Variants in P3H2 observed in about 807,000 individuals in gnomAD.
P3H2 encodes the protein prolyl 3-hydroxylase 2.
A neutral mutation model predicts 87.0 loss-of-function variants in P3H2; 80 were observed. The ratio of observed to expected loss-of-function variants is 0.92; its 90% confidence interval spans 0.77 to 1.11. The LOEUF is 1.11. P3H2 is among the 50% of genes least tolerant of loss of function. The probability of loss-of-function intolerance (pLI) is 0.00; values close to 1 mark genes in which losing one functional copy is unlikely to be tolerated. For synonymous variants in P3H2, 367 were observed against 359.3 expected, an observed-to-expected ratio of 1.02 and a Z score of -0.24; for missense variants, 1,001 against 923.9, an observed-to-expected ratio of 1.08 and a Z score of -1.08.
At chr3:190,043,910 T>G (rs562482032) in intron 1 of P3H2, among the ~76,000 whole-genome samples, 9 of 152,294 alleles carry the variant, frequency 5.9e-5, no homozygotes, top group Admixed American at 2.0e-4. Flanking sequence ...CATGCTTTTA[T>G]TACTGAAATA....
chr3:190,102,249 T>C (rs1711654873), intron 1 of P3H2, among the ~76,000 whole-genome samples: 1 of 152,184 alleles, frequency 6.6e-6, no homozygotes, highest in Non-Finnish European at 1.5e-5. Context: ...TCTTATTATT[T>C]AAGAAATATA....
intron 1 of P3H2, among the ~76,000 whole-genome samples, chr3:190,039,495 G>A (rs1725534331): frequency 6.6e-6 from 1 of 152,050 alleles, no homozygotes; most frequent in Admixed American, 6.5e-5. Context: ...AAAATTACTA[G>A]CTAAGAGTCT....
At chr3:190,051,391 T>C (rs188956445) in intron 1 of P3H2, among the ~76,000 whole-genome samples, 5 of 152,288 alleles carry the variant, frequency 3.3e-5, no homozygotes, top group African/African-American at 1.2e-4. Flanking sequence ...GGTCAAACAA[T>C]GCAATTTAAT....
intron 1 of P3H2, among the ~76,000 whole-genome samples, chr3:190,047,528 A>G (rs1725843844): frequency 6.6e-6 from 1 of 152,236 alleles, no homozygotes; most frequent in South Asian, 2.1e-4. Context: ...TAAACATAAG[A>G]GTTCCTGCAA....
intron 1 of P3H2, among the ~76,000 whole-genome samples, chr3:190,050,646 T>C (rs1274011325): frequency 5.9e-5 from 9 of 152,160 alleles, no homozygotes. Flanking sequence ...TTTGTGTATA[T>C]ATGAGTTTTT....
At chr3:189,992,530 G>A (rs1303803827) in intron 3 of P3H2, among the ~76,000 whole-genome samples, 1 of 152,158 alleles carries the variant, frequency 6.6e-6, no homozygotes, top group Non-Finnish European at 1.5e-5. Context: ...AAAAATGTGT[G>A]CTCAAAATAT....
intron 1 of P3H2, among the ~76,000 whole-genome samples, chr3:190,104,651 C>T (rs148550890): frequency 1.3e-5 from 2 of 152,212 alleles, no homozygotes; most frequent in African/African-American, 2.4e-5. Context: ...TAGTATATCA[C>T]GATATATTCG....
intron 1 of P3H2, among the ~76,000 whole-genome samples, chr3:190,076,719 C>T (rs991948744): frequency 2.6e-5 from 4 of 152,228 alleles, no homozygotes; most frequent in African/African-American, 9.6e-5. Context: ...TCCAAGCCCA[C>T]ATGGCTGCTT....
At chr3:190,106,819 T>G (rs539402682) in intron 1 of P3H2, among the ~76,000 whole-genome samples, 2 of 152,202 alleles carry the variant, frequency 1.3e-5, no homozygotes, top group African/African-American at 4.8e-5. Context: ...ATTTAATCTT[T>G]CAGGCTTCAG....
chr3:189,986,868 T>C lies in P3H2; in HGVS notation c.1108A>G (p.Met370Val). The change falls in exon 6 of 15, where the codon ATG becomes GTG. Residue 370 changes from methionine to valine, a missense_variant. Met to Val is a conservative substitution (Grantham distance 21). Transcript: ENST00000319332. ...TCCAGCTTATGACGTTTCACAAACA[T>C]TGTTAAATCCTAGAGAAAAAGAAGT... The part of the protein sequence containing the change: ...ASIEAREDLT[M>V]FVKRHKLESE... 1 of 1,608,732 alleles carries C rather than the reference T, an allele frequency of 6.2e-7. No homozygotes were observed. The highest frequency in any genetic ancestry group is 8.5e-7 in the Non-Finnish European group (1 of 1,175,204).
At chr3:190,015,415 A>C (rs710576) in intron 1 of P3H2, among the ~76,000 whole-genome samples, 38,609 of 152,030 alleles carry the variant, frequency 0.25, 5,134 homozygotes, top group East Asian at 0.36. Flanking sequence ...GCTTCAGTGT[A>C]TAACAAGCCT....
intron 14 of P3H2, among the ~76,000 whole-genome samples, chr3:189,961,242 A>C (rs1195740998): frequency 6.6e-6 from 1 of 152,174 alleles, no homozygotes; most frequent in Non-Finnish European, 1.5e-5. Flanking sequence ...TGCCCGGCCA[A>C]GGAAAACAAT....
intron 1 of P3H2, among the ~76,000 whole-genome samples, chr3:190,064,933 G>A (rs58556508): frequency 0.15 from 23,287 of 152,010 alleles, 2,543 homozygotes; most frequent in African/African-American, 0.31. Context: ...AGACTGCAGG[G>A]GCTGTTCAGC....
intron 1 of P3H2, among the ~76,000 whole-genome samples, chr3:190,072,105 T>C (rs1285764068): frequency 6.6e-6 from 1 of 151,682 alleles, no homozygotes; most frequent in Non-Finnish European, 1.5e-5. Context: ...TCTGCATAGC[T>C]GGGATTACAG....
At chr3:189,972,210 G>T (rs1187212347) in intron 11 of P3H2, among the ~76,000 whole-genome samples, 1 of 152,156 alleles carries the variant, frequency 6.6e-6, no homozygotes, top group African/African-American at 2.4e-5. Flanking sequence ...GAAACCTTGA[G>T]CATGTCACAC....
In P3H2 at chr3:190,110,237, G is replaced by A. The variant is rs149337557; in HGVS notation, c.480+10015C>T. Among the ~76,000 whole-genome samples, 1,183 of 152,216 alleles carry A rather than the reference G, an allele frequency of 7.8e-3. 12 individuals carry two copies. Among genetic ancestry groups the A allele is most frequent in the African/African-American group, 0.027 (1,123 of 41,532 alleles). On this transcript the variant is annotated intron_variant, in intron 1 of 14. Transcript: ENST00000319332. ...TCCAAGTGACATTTTGCAATATATG[G>A]AGACATTTTTTGTTATCACTGCTTG... is the stretch of plus-strand genomic sequence containing the variant.
At chr3:190,111,465 G>C (rs1712067265) in intron 1 of P3H2, among the ~76,000 whole-genome samples, 1 of 152,106 alleles carries the variant, frequency 6.6e-6, no homozygotes, top group Non-Finnish European at 1.5e-5. Context: ...TGGAATACTA[G>C]TGTTCCATTA....
chr3:189,985,611 TATAA>T (rs1723672091), intron 6 of P3H2, among the ~76,000 whole-genome samples: 2 of 149,164 alleles, frequency 1.3e-5, no homozygotes, highest in East Asian at 1.9e-4. Context: ...TATATATAAT[TATAA>T]ATAAATTAAT....
chr3:190,064,705 C>A (rs564532119), intron 1 of P3H2, among the ~76,000 whole-genome samples: 89 of 152,132 alleles, frequency 5.9e-4, no homozygotes, highest in African/African-American at 2.1e-3. Context: ...TTTATAATAA[C>A]AAAGATGTCT....
Sources: allele counts gnomAD v4.1 joint callset (sites outside exome capture counted in the v4.1 genomes callset), GRCh38; gene constraint gnomAD v4.1.1; transcripts MANE v1.5; gene names NCBI Gene and HGNC (gene_info 2026-07-23, HGNC 2026-07-21).